DOCK8: variants seen among roughly 807,000 people sequenced by gnomAD.
DOCK8 encodes the protein dedicator of cytokinesis 8.
A neutral mutation model predicts 245.6 loss-of-function variants in DOCK8; 141 were observed. That is an observed-to-expected ratio of 0.57 (90% CI 0.50 to 0.66). The LOEUF is 0.66. Ranked by LOEUF, DOCK8 falls within the 30% of genes least tolerant of loss-of-function variation. DOCK8 has a pLI of 0.00. For synonymous variants in DOCK8, 1,168 were observed against 970.2 expected (o/e 1.20, Z -3.79); for missense variants, 2,965 against 2,603.4 (o/e 1.14, Z -3.02).
intron 26 of DOCK8, among the ~76,000 whole-genome samples, chr9:400,967 T>TCA (rs2055031963): frequency 7.1e-5 from 3 of 42,346 alleles, no homozygotes; most frequent in Non-Finnish European, 1.1e-4. Context: ...CACCACCACC[T>TCA]CCTCCACCAT....
chr9:382,792 G>A, intron 22 of DOCK8, 107 bp downstream of exon 22: 2 of 1,435,552 alleles, frequency 1.4e-6, no homozygotes, highest in Non-Finnish European at 1.9e-6. Flanking sequence ...CACCATGCTG[G>A]TCGGATGCTT....
At chr9:253,117 A>G (rs1167697031) in intron 1 of DOCK8, among the ~76,000 whole-genome samples, 8 of 152,130 alleles carry the variant, frequency 5.3e-5, no homozygotes, top group Admixed American at 5.2e-4. Context: ...TTTGGGACCC[A>G]TTATCTTCCT....
At chr9:240,541 TA>T (rs956178834) in intron 1 of DOCK8, among the ~76,000 whole-genome samples, 3 of 152,184 alleles carry the variant, frequency 2.0e-5, no homozygotes, top group African/African-American at 7.2e-5. Context: ...ATATAGAATA[TA>T]AGTATAAGGT....
intron 2 of DOCK8, among the ~76,000 whole-genome samples, chr9:272,269 G>C (rs929957503): frequency 6.6e-6 from 1 of 151,998 alleles, no homozygotes; most frequent in Middle Eastern, 3.2e-3. Flanking sequence ...GTTCCCCAGC[G>C]CGCTTTTACA....
chr9:339,272 G>GT (rs1364682725), intron 13 of DOCK8, among the ~76,000 whole-genome samples, 173 bp downstream of exon 13: 2 of 152,082 alleles, frequency 1.3e-5, no homozygotes, highest in African/African-American at 4.8e-5. Context: ...ACCTATTAAT[G>GT]TTTTTTTAAT....
At chr9:304,819 G>A (rs2049737923) in intron 5 of DOCK8, 115 bp downstream of exon 5, 2 of 1,421,096 alleles carry the variant, frequency 1.4e-6, no homozygotes, top group Non-Finnish European at 9.8e-7. Context: ...TGAGTAGGAG[G>A]AACTTTACCA....
rs746871919 is a variant in DOCK8 at position 452,059 on chromosome 9, C to G, written c.6010C>G (p.Pro2004Ala). The G allele has an allele frequency of 6.3e-7, 1 of 1,599,236 alleles. No individual in the cohort carries two copies. Among genetic ancestry groups the G allele is most frequent in the East Asian group, 2.3e-5 (1 of 44,310 alleles). The change falls in exon 46 of 48, where the codon CCA (proline) becomes GCA (alanine). Residue 2004 changes from proline (P) to alanine (A), a missense_variant. Pro to Ala is a conservative substitution (Grantham distance 27). Around this residue, in one of 3 missense-constraint regions of DOCK8, gnomAD observed 134 missense variants for 128.1 expected, o/e 1.05. Transcript: ENST00000432829. The part of the protein sequence containing the change: ...QVFLAEIPAD[P>A]KLYRHHNKLR... ...GTTTTTGGCTGAAATTCCTGCTGAT[C>G]CAAAACTCTATCGACATCACAACAA...
At chr9:271,565 C>A (rs745787104) in intron 1 of DOCK8, 62 bp from the exon 2 acceptor site, 13 of 1,295,250 alleles carry the variant, frequency 1.0e-5, no homozygotes, top group African/African-American at 8.8e-5. Flanking sequence ...AAGATTGCAT[C>A]TAAAATTGTG....
intron 4 of DOCK8, among the ~76,000 whole-genome samples, chr9:303,518 T>C (rs1489095920): frequency 6.6e-6 from 1 of 152,118 alleles, no homozygotes; most frequent in Non-Finnish European, 1.5e-5. Context: ...GAGGCCATTA[T>C]CCTAAACAAA....
rs1220410408 is a variant in DOCK8, at chr9:270,197, T to C, written c.54-1430T>C. Among the ~76,000 whole-genome samples, 4 of 152,216 alleles carry C rather than the reference T, an allele frequency of 2.6e-5. No homozygotes were observed. The East Asian group carries it at 5.8e-4, about 22-fold the overall frequency. On this transcript the variant is annotated intron_variant, in intron 1 of 47. Transcript: ENST00000432829. The stretch of plus-strand genomic sequence containing the variant: ...TTAAAAAATTAAATAAAGAAAACGC[T>C]GTAGAAAATTAAGGAGCAAAATGTA...
Position 252,227 on chromosome 9 carries a change from C to G in DOCK8, c.54-19400C>G, listed in dbSNP as rs201079411. 5.9e-5 allele frequency among the ~76,000 whole-genome samples: 9 copies of G among 151,780 alleles called. No homozygotes were observed. The East Asian group carries it at 1.2e-3, about 20-fold the overall frequency. On this transcript the variant is annotated intron_variant, in intron 1 of 47. Transcript: ENST00000432829. ...TGACCTCATGATTCACTGGCCTCGGCCTCCCAAAGTGCTGGGATTACAAGC... is the reference window on the plus strand; with the variant it reads ...TGACCTCATGATTCACTGGCCTCGGGCTCCCAAAGTGCTGGGATTACAAGC...
chr9:376,141 C>A, intron 18 of DOCK8, 69 bp from the exon 19 acceptor site: 1 of 1,076,534 alleles, frequency 9.3e-7, no homozygotes, highest in South Asian at 1.2e-5. Context: ...TCAAGTTGGT[C>A]TGCATTGCTT....
At chr9:336,052 C>G (rs2051295301) in intron 11 of DOCK8, among the ~76,000 whole-genome samples, 2 of 152,116 alleles carry the variant, frequency 1.3e-5, no homozygotes, top group Non-Finnish European at 2.9e-5. Flanking sequence ...GTTCTAATTC[C>G]CATTGGGCAG....
intron 1 of DOCK8, among the ~76,000 whole-genome samples, chr9:228,771 G>T (rs998327426): frequency 1.3e-5 from 2 of 152,148 alleles, no homozygotes; most frequent in African/African-American, 4.8e-5. Context: ...AATTCTGTGG[G>T]TTGGCAATTT....
intron 23 of DOCK8, among the ~76,000 whole-genome samples, chr9:387,884 C>T (rs1404210315): frequency 1.3e-5 from 2 of 152,274 alleles, no homozygotes; most frequent in South Asian, 2.1e-4. Context: ...TTCGCAGTTG[C>T]CATGTTTTGA....
intron 1 of DOCK8, among the ~76,000 whole-genome samples, chr9:244,267 T>C (rs2047450561): frequency 6.6e-6 from 1 of 150,652 alleles, no homozygotes; most frequent in South Asian, 2.1e-4. Flanking sequence ...CAATCTAGTA[T>C]TCCCCCCACC....
chr9:246,340 G>A (rs1286682469), intron 1 of DOCK8, among the ~76,000 whole-genome samples: 7 of 152,074 alleles, frequency 4.6e-5, no homozygotes, highest in African/African-American at 1.2e-4. Context: ...GCAACATAGC[G>A]TGACCCCATC....
chr9:309,640 A>G (rs2050009831), intron 5 of DOCK8, among the ~76,000 whole-genome samples: 1 of 152,232 alleles, frequency 6.6e-6, no homozygotes, highest in African/African-American at 2.4e-5. Context: ...CACCGCAGCC[A>G]AAAGTGGACA....
chr9:284,774 AG>A (rs1354255395), intron 2 of DOCK8, among the ~76,000 whole-genome samples: 2 of 152,232 alleles, frequency 1.3e-5, no homozygotes, highest in African/African-American at 4.8e-5. Flanking sequence ...AAAAATAATG[AG>A]ATCATGCCTT....
Sources: gnomAD v4.1 joint callset for allele counts (sites outside exome capture counted in the v4.1 genomes callset) on GRCh38, gnomAD v4.1.1 for gene constraint, gnomAD v4.1.1 regional missense constraint, MANE v1.5 for transcripts, NCBI Gene and HGNC (gene_info 2026-07-23, HGNC 2026-07-21) for gene names.